Variants in TRMT1L observed in about 807,000 individuals in gnomAD.
TRMT1L encodes the protein tRNA (guanine(27)-N(2))-dimethyltransferase.
Under a neutral mutation model 81.6 loss-of-function variants are expected in TRMT1L, and 28 were observed. The ratio of observed to expected loss-of-function variants is 0.34; its 90% CI spans 0.25 to 0.47. TRMT1L has a LOEUF of 0.47. TRMT1L is among the 20% of genes least tolerant of loss of function. The pLI, the probability that TRMT1L is intolerant of heterozygous loss-of-function variation, is 1.00. For synonymous variants in TRMT1L, 301 were observed against 303.2 expected, an observed-to-expected ratio of 0.99 and a Z score of 0.07; for missense variants, 739 against 877.1, an observed-to-expected ratio of 0.84 and a Z score of 1.99.
chr1:185,143,356 C>T lies in TRMT1L; in HGVS notation c.859+1G>A. 1 of 1,595,576 alleles carries T rather than the reference C, an allele frequency of 6.3e-7. No individual in the cohort carries two copies. Among genetic ancestry groups the T allele is most frequent in the East Asian group, 2.3e-5 (1 of 43,770 alleles). On this transcript the variant is annotated splice_donor_variant, in intron 7 of 14. Coordinates refer to ENST00000367506, the MANE Select transcript of TRMT1L (RefSeq NM_030934.5). LOFTEE classifies it high-confidence loss of function. ...GGTTCCAAAAAAGTGTCCTCACTTACCAGTGGCTCCAAAAGCATCTAGACA... is the reference window on the plus strand; with the variant it reads ...GGTTCCAAAAAAGTGTCCTCACTTATCAGTGGCTCCAAAAGCATCTAGACA...
chr1:185,143,571 T>C, intron 6 of TRMT1L, 135 bp from the exon 7 acceptor site: 1 of 697,794 alleles, frequency 1.4e-6, no homozygotes, highest in Non-Finnish European at 2.3e-6. Context: ...AAACATATTC[T>C]GAATTTAATA....
At chr1:185,127,378 A>G (rs538216833) in intron 11 of TRMT1L, among the ~76,000 whole-genome samples, 85 of 152,042 alleles carry the variant, frequency 5.6e-4, no homozygotes, top group Non-Finnish European at 8.6e-4. Context: ...TTCTAGGTTT[A>G]GTAGGTGCTT....
At chr1:185,154,094 A>C (rs934519838) in intron 1 of TRMT1L, among the ~76,000 whole-genome samples, 1 of 152,226 alleles carries the variant, frequency 6.6e-6, no homozygotes, top group African/African-American at 2.4e-5. Context: ...AAAAATTGTT[A>C]GACTTTTTGG....
intron 3 of TRMT1L, among the ~76,000 whole-genome samples, chr1:185,150,124 T>C (rs540811258): frequency 4.2e-4 from 64 of 152,302 alleles, no homozygotes; most frequent in African/African-American, 1.4e-3. Flanking sequence ...AGAAGCAAAA[T>C]GGACTCCCAG....
chr1:185,153,420 G>C (rs550900622), intron 1 of TRMT1L, among the ~76,000 whole-genome samples: 1 of 152,088 alleles, frequency 6.6e-6, no homozygotes, highest in African/African-American at 2.4e-5. Context: ...AAATGGTAAG[G>C]GGAATCAAGG....
chr1:185,132,832 T>C (rs767814985), intron 10 of TRMT1L, among the ~76,000 whole-genome samples: 2 of 152,132 alleles, frequency 1.3e-5, no homozygotes, highest in Non-Finnish European at 2.9e-5. Flanking sequence ...CTGCAATCTA[T>C]AGGAAAAAGT....
Position 185,127,190 on chromosome 1 carries a change from T to C in TRMT1L, c.1592+1479A>G, listed in dbSNP as rs952876548. On this transcript the variant is annotated intron_variant, in intron 11 of 14. Coordinates refer to ENST00000367506, the MANE Select transcript of TRMT1L (RefSeq NM_030934.5). The stretch of plus-strand genomic sequence containing the variant: ...GGATCCAGTAACCTGCTATTTTTAA[T>C]TTCCTCAGTTCTGAATCAGTGAGTA... Among the ~76,000 whole-genome samples the C allele has an allele frequency of 7.2e-5, 11 of 152,328 alleles. No individual in the cohort carries two copies. In the East Asian group the frequency reaches 7.7e-4, roughly 11 times the overall value.
chr1:185,127,259 A>G (rs1652651704), intron 11 of TRMT1L, among the ~76,000 whole-genome samples: 1 of 152,192 alleles, frequency 6.6e-6, no homozygotes, highest in African/African-American at 2.4e-5. Context: ...CTAGTTTTAG[A>G]AGAACTAGAA....
intron 13 of TRMT1L, among the ~76,000 whole-genome samples, chr1:185,122,249 G>A (rs540602100): frequency 2.7e-4 from 41 of 152,240 alleles, no homozygotes; most frequent in African/African-American, 8.9e-4. Flanking sequence ...AACATATAAC[G>A]TATCTTTGAC....
chr1:185,124,819 A>G, intron 12 of TRMT1L, 125 bp downstream of exon 12: 1 of 909,358 alleles, frequency 1.1e-6, no homozygotes, highest in South Asian at 2.5e-5. Context: ...TCATTAGAGA[A>G]GATTTACTAA....
At chr1:185,151,504 T>G (rs909501253) in intron 2 of TRMT1L, among the ~76,000 whole-genome samples, 2 of 152,202 alleles carry the variant, frequency 1.3e-5, no homozygotes, top group African/African-American at 4.8e-5. Context: ...TTCATTTACC[T>G]GACAGAATAT....
intron 13 of TRMT1L, 33 bp downstream of exon 13, chr1:185,123,824 T>C (rs767046133): frequency 7.4e-7 from 1 of 1,343,602 alleles, no homozygotes; most frequent in East Asian, 2.9e-5. Context: ...TGACCTGATA[T>C]GTACATATGT....
intron 7 of TRMT1L, among the ~76,000 whole-genome samples, chr1:185,140,644 CT>C (rs1455286371): frequency 6.6e-6 from 1 of 151,610 alleles, no homozygotes; most frequent in Non-Finnish European, 1.5e-5. Flanking sequence ...TGGACCAACA[CT>C]TTTCAAACAC....
Position 185,151,851 on chromosome 1 carries a change from G to T in TRMT1L, c.320C>A (p.Ser107Ter). The change falls in exon 2 of 15, where the codon TCA (serine) becomes TAA (stop). Residue 107 changes from serine to a stop codon, truncating the protein, a stop_gained. Coordinates refer to ENST00000367506, the MANE Select transcript of TRMT1L (RefSeq NM_030934.5). LOFTEE classifies it high-confidence loss of function. ...VTDGNFDSAS[S>*]LNSDNLDAGN... The stretch of plus-strand genomic sequence containing the variant: ...TGCATCAAGATTATCTGAGTTCAAT[G>T]AGCTGGCAGAGTCAAAATTTCCATC... 4 of 1,592,588 alleles carry T rather than the reference G, an allele frequency of 2.5e-6. No homozygotes were observed. Among genetic ancestry groups the T allele is most frequent in the South Asian group, 2.3e-5 (2 of 87,286 alleles).
intron 1 of TRMT1L, among the ~76,000 whole-genome samples, chr1:185,154,093 T>C (rs1653431632): frequency 6.6e-6 from 1 of 152,250 alleles, no homozygotes; most frequent in Admixed American, 6.5e-5. Context: ...AAAAAATTGT[T>C]AGACTTTTTG....
intron 10 of TRMT1L, among the ~76,000 whole-genome samples, chr1:185,134,765 G>C (rs1158127338): frequency 6.6e-6 from 1 of 152,188 alleles, no homozygotes; most frequent in East Asian, 1.9e-4. Flanking sequence ...TTTGGGCAAA[G>C]AAAAGCTTTG....
chr1:185,132,862 G>A (rs1652807613), intron 10 of TRMT1L, among the ~76,000 whole-genome samples: 2 of 152,144 alleles, frequency 1.3e-5, no homozygotes. Context: ...AAATGAAGAA[G>A]TAAACAAGGA....
At chr1:185,145,055 T>C (rs1653153449) in intron 5 of TRMT1L, among the ~76,000 whole-genome samples, 2 of 151,972 alleles carry the variant, frequency 1.3e-5, no homozygotes, top group South Asian at 4.1e-4. Flanking sequence ...TAACAAGCTA[T>C]TAATAATTTC....
rs539421018 is a variant in TRMT1L, at chr1:185,150,547, G to A, written c.347-55C>T. On this transcript the variant is annotated intron_variant, in intron 2 of 14. Transcript: ENST00000367506. ...CAGAATATTCTAGTTATTAATGCCT[G>A]GATTCAACTACAAAGAGGTTAATGG... 1.7e-5 allele frequency: 22 copies of A among 1,267,282 alleles called. 1 individual carries two copies. In the African/African-American group the frequency reaches 2.2e-4, roughly 13 times the overall value. 78.5% of individuals were successfully genotyped at this position (1,267,282 alleles called of 1,614,324 possible).
Sources: gnomAD v4.1 joint callset for allele counts (sites outside exome capture counted in the v4.1 genomes callset) on GRCh38, gnomAD v4.1.1 for gene constraint, MANE v1.5 for transcripts, NCBI Gene and HGNC (gene_info 2026-07-23, HGNC 2026-07-21) for gene names.